The following CAPZA1 variants were observed in gnomAD, a reference collection of about 807,000 sequenced individuals.
CAPZA1 encodes F-actin-capping protein subunit alpha-1.
Under a neutral mutation model 40.8 loss-of-function variants are expected in CAPZA1, and 10 were observed. The ratio of observed to expected loss-of-function variants is 0.25; its 90% CI spans 0.15 to 0.42. CAPZA1 has a LOEUF of 0.42. Ranked by LOEUF, CAPZA1 falls within the 10% of genes least tolerant of loss-of-function variation. The pLI is 1.00. For synonymous variants in CAPZA1, 98 were observed against 115.0 expected, an observed-to-expected ratio of 0.85 and a Z score of 0.95; for missense variants, 277 against 353.8, an observed-to-expected ratio of 0.78 and a Z score of 1.74.
Position 112,670,154 on chromosome 1 carries a change from A to T in CAPZA1, c.*22A>T. On this transcript the variant is annotated 3_prime_UTR_variant, in exon 10 of 10. Transcript: ENST00000263168. The stretch of plus-strand genomic sequence containing the variant: ...TTAAAGGCTGAATGTAGGATTCTTC[A>T]GTATGTGGAAAGACAAGGATTCAAC... 1 of 1,612,968 alleles carries T rather than the reference A, an allele frequency of 6.2e-7. No homozygotes were observed. Among genetic ancestry groups the T allele is most frequent in the Non-Finnish European group, 8.5e-7 (1 of 1,179,012 alleles).
intron 2 of CAPZA1, 142 bp from the exon 3 acceptor site, chr1:112,649,276 T>G: frequency 1.6e-6 from 1 of 626,132 alleles, no homozygotes; most frequent in Non-Finnish European, 2.8e-6. Context: ...ATCTTTTTAT[T>G]TGCATGTTTA....
At chr1:112,647,141 G>A (rs1034488559) in intron 1 of CAPZA1, 69 bp from the exon 2 acceptor site, 28 of 721,538 alleles carry the variant, frequency 3.9e-5, no homozygotes, top group Non-Finnish European at 5.5e-5. Context: ...TTTATAATTT[G>A]TTAATTATTT....
At chr1:112,624,028 GAAAAGA>G (rs1369579908) in intron 1 of CAPZA1, among the ~76,000 whole-genome samples, 51 of 110,198 alleles carry the variant, frequency 4.6e-4, no homozygotes, top group African/African-American at 1.7e-3. Flanking sequence ...AAAGAAAAAA[GAAAAGA>G]AAAAGAAATC....
chr1:112,655,649 A>C (rs1263188339), intron 5 of CAPZA1, among the ~76,000 whole-genome samples: 3 of 151,930 alleles, frequency 2.0e-5, no homozygotes, highest in Non-Finnish European at 4.4e-5. Flanking sequence ...TGTCACCTCC[A>C]TCTCCTGGGT....
At chr1:112,640,321 G>A (rs866798895) in intron 1 of CAPZA1, among the ~76,000 whole-genome samples, 404 of 112,576 alleles carry the variant, frequency 3.6e-3, no homozygotes, top group African/African-American at 4.8e-3. Flanking sequence ...AGGTGGGGGG[G>A]TCAGCCCCCC....
At chr1:112,645,455 T>C (rs1048541284) in intron 1 of CAPZA1, among the ~76,000 whole-genome samples, 46 of 152,012 alleles carry the variant, frequency 3.0e-4, no homozygotes, top group African/African-American at 1.1e-3. Flanking sequence ...TGAGACCCTC[T>C]CTCTGCAGAA....
chr1:112,664,997 C>T (rs1671695461), intron 7 of CAPZA1, among the ~76,000 whole-genome samples: 1 of 152,096 alleles, frequency 6.6e-6, no homozygotes, highest in Non-Finnish European at 1.5e-5. Flanking sequence ...GTGTCTAACA[C>T]ATAGTAAAGG....
chr1:112,650,447 C>G (rs1671362342), intron 3 of CAPZA1, among the ~76,000 whole-genome samples: 1 of 152,132 alleles, frequency 6.6e-6, no homozygotes, highest in South Asian at 2.1e-4. Flanking sequence ...AGGCTCACAT[C>G]GGAGATATAC....
intron 1 of CAPZA1, among the ~76,000 whole-genome samples, chr1:112,627,291 A>C (rs1453345009): frequency 1.3e-5 from 2 of 152,158 alleles, no homozygotes; most frequent in Non-Finnish European, 2.9e-5. Context: ...TCATGTAGTA[A>C]CCTGGATGCC....
chr1:112,639,831 C>CT (rs1230348769), intron 1 of CAPZA1, among the ~76,000 whole-genome samples: 4 of 148,766 alleles, frequency 2.7e-5, no homozygotes, highest in Admixed American at 1.3e-4. Flanking sequence ...AGGAGCCCCT[C>CT]TGCCCGGCCA....
intron 1 of CAPZA1, among the ~76,000 whole-genome samples, chr1:112,635,780 CCAG>C (rs1471849713): frequency 1.3e-5 from 2 of 152,068 alleles, no homozygotes; most frequent in Non-Finnish European, 2.9e-5. Context: ...GCCTGTAATC[CCAG>C]CACTTTAGGA....
chr1:112,643,554 C>A (rs1671221221), intron 1 of CAPZA1, among the ~76,000 whole-genome samples: 1 of 152,270 alleles, frequency 6.6e-6, no homozygotes, highest in South Asian at 2.1e-4. Context: ...AGAAATTTTG[C>A]AGATCTTCTA....
intron 7 of CAPZA1, among the ~76,000 whole-genome samples, chr1:112,662,537 C>T (rs1273809002): frequency 2.0e-5 from 3 of 151,038 alleles, no homozygotes; most frequent in African/African-American, 7.3e-5. Flanking sequence ...TAGCTGGTAC[C>T]ACAGGCGCCC....
intron 3 of CAPZA1, among the ~76,000 whole-genome samples, chr1:112,651,481 T>C (rs1671384537): frequency 6.6e-6 from 1 of 152,152 alleles, no homozygotes; most frequent in Non-Finnish European, 1.5e-5. Context: ...TCTGAATATG[T>C]ACTTAAGTAG....
chr1:112,641,212 G>T (rs1244465247), intron 1 of CAPZA1, among the ~76,000 whole-genome samples: 3 of 138,638 alleles, frequency 2.2e-5, no homozygotes, highest in African/African-American at 7.8e-5. Flanking sequence ...ACCCAAGAAT[G>T]ATCAATAAAA....
intron 3 of CAPZA1, 57 bp downstream of exon 3, chr1:112,649,526 T>C (rs1233990985): frequency 2.9e-6 from 4 of 1,371,468 alleles, no homozygotes; most frequent in Non-Finnish European, 4.2e-6. Flanking sequence ...TAAACTATGT[T>C]GACAGTAAAC....
Position 112,652,180 on chromosome 1 carries a change from G to A in CAPZA1, c.156-1418G>A, listed in dbSNP as rs146051546. On this transcript the variant is annotated intron_variant, in intron 3 of 9. Coordinates refer to ENST00000263168, the MANE Select transcript of CAPZA1 (RefSeq NM_006135.3). The stretch of plus-strand genomic sequence containing the variant: ...ACAGTAACAACTTTTAACAAAATAA[G>A]ATTGAAAATTAGCTTTAGAGGCTGG... Among the ~76,000 whole-genome samples, 854 of 149,360 alleles carry A rather than the reference G, an allele frequency of 5.7e-3. 5 individuals carry two copies. Among genetic ancestry groups the A allele is most frequent in the African/African-American group, 0.019 (770 of 40,574 alleles).
At chr1:112,658,135 A>G (rs976790416) in intron 5 of CAPZA1, among the ~76,000 whole-genome samples, 3 of 152,226 alleles carry the variant, frequency 2.0e-5, no homozygotes, top group Non-Finnish European at 4.4e-5. Context: ...TAGAGGAAAA[A>G]GAAAATACAT....
intron 1 of CAPZA1, among the ~76,000 whole-genome samples, chr1:112,624,605 CAAAAA>C (rs34860716): frequency 3.6e-5 from 2 of 55,828 alleles, no homozygotes; most frequent in Non-Finnish European, 6.0e-5. Flanking sequence ...AAAACTCCAT[CAAAAA>C]AAAAAAAAAA....
Sources: gnomAD v4.1 joint callset for allele counts (sites outside exome capture counted in the v4.1 genomes callset) on GRCh38, gnomAD v4.1.1 for gene constraint, MANE v1.5 for transcripts, NCBI Gene and HGNC (gene_info 2026-07-23, HGNC 2026-07-21) for gene names.